The following SLC35D4 variants were observed in gnomAD, a reference collection of about 807,000 sequenced individuals.
SLC35D4 encodes the protein UDP-N-acetylglucosamine transporter SLC35D4.
the SLC35D4 span, among the ~76,000 whole-genome samples, chr18:23,263,663 G>T: frequency 1.3e-5 from 2 of 152,226 alleles, no homozygotes; most frequent in Non-Finnish European, 2.9e-5. Flanking sequence ...CGCTCTGCGT[G>T]TTCCTTGGCT....
At chr18:23,279,689 C>T in the SLC35D4 span, among the ~76,000 whole-genome samples, 2 of 152,234 alleles carry the variant, frequency 1.3e-5, no homozygotes, top group South Asian at 4.2e-4. Context: ...ACCCCTCCCT[C>T]ACAGACCTCA....
the SLC35D4 span, among the ~76,000 whole-genome samples, chr18:23,398,845 ACAAC>A: frequency 1.3e-5 from 2 of 152,260 alleles, no homozygotes; most frequent in Non-Finnish European, 2.9e-5. Context: ...AAGTCAGAAT[ACAAC>A]TATTTTCTAA....
At chr18:23,417,168 GA>G in the SLC35D4 span, among the ~76,000 whole-genome samples, 5 of 151,500 alleles carry the variant, frequency 3.3e-5, no homozygotes, top group Non-Finnish European at 5.9e-5. Flanking sequence ...CTTGAGCCCA[GA>G]AGTTCAAGGC....
the SLC35D4 span, among the ~76,000 whole-genome samples, chr18:23,363,821 G>A: frequency 3.3e-5 from 5 of 152,142 alleles, no homozygotes; most frequent in African/African-American, 1.2e-4. Flanking sequence ...GCCATTTAGG[G>A]TTACCAGTAT....
the SLC35D4 span, among the ~76,000 whole-genome samples, chr18:23,344,668 C>A: frequency 6.8e-6 from 1 of 146,574 alleles, no homozygotes; most frequent in Non-Finnish European, 1.5e-5. Flanking sequence ...GTGGCGCGAT[C>A]TCGGCTCACT....
chr18:23,432,171 GC>G, the SLC35D4 span, among the ~76,000 whole-genome samples: 1 of 152,178 alleles, frequency 6.6e-6, no homozygotes, highest in African/African-American at 2.4e-5. Flanking sequence ...AGCCTGAAAT[GC>G]CCTTAACAAG....
At chr18:23,437,569 C>T in the SLC35D4 span, among the ~76,000 whole-genome samples, 4 of 152,146 alleles carry the variant, frequency 2.6e-5, no homozygotes, top group Admixed American at 2.6e-4. Context: ...GGAGATGTAC[C>T]GTGCTTTACA....
chr18:23,353,969 T>A, the SLC35D4 span, among the ~76,000 whole-genome samples: 1 of 152,152 alleles, frequency 6.6e-6, no homozygotes, highest in Non-Finnish European at 1.5e-5. Context: ...ACAATGAAAC[T>A]GGGGCACAGG....
the SLC35D4 span, among the ~76,000 whole-genome samples, chr18:23,325,154 C>T: frequency 1.4e-4 from 22 of 152,172 alleles, no homozygotes; most frequent in Admixed American, 1.3e-3. Flanking sequence ...AGACCCATCC[C>T]CATCTCTGGA....
At chr18:23,345,050 T>C in the SLC35D4 span, among the ~76,000 whole-genome samples, 18 of 152,338 alleles carry the variant, frequency 1.2e-4, no homozygotes, top group African/African-American at 4.3e-4. Context: ...TATGTTTTCT[T>C]CTAATAGTTT....
At chr18:23,349,661 AT>A in the SLC35D4 span, among the ~76,000 whole-genome samples, 5 of 152,162 alleles carry the variant, frequency 3.3e-5, no homozygotes, top group African/African-American at 1.2e-4. Context: ...ACAAAAGCCT[AT>A]TTTTTTAGAT....
the SLC35D4 span, among the ~76,000 whole-genome samples, chr18:23,417,175 AAGGCTGCAGTG>A: frequency 2.0e-5 from 3 of 151,988 alleles, no homozygotes; most frequent in Non-Finnish European, 4.4e-5. Flanking sequence ...CCAGAAGTTC[AAGGCTGCAGTG>A]AGCTAAGATT....
At chr18:23,306,786 G>C in the SLC35D4 span, among the ~76,000 whole-genome samples, 1 of 152,192 alleles carries the variant, frequency 6.6e-6, no homozygotes, top group East Asian at 1.9e-4. Context: ...ATAGGAACTA[G>C]AATAGAAATA....
At chr18:23,297,968 C>T in the SLC35D4 span, 61 of 1,609,062 alleles carry the variant, frequency 3.8e-5, no homozygotes, top group Non-Finnish European at 4.8e-5. Flanking sequence ...AAGCTGTTCT[C>T]CCGCAGCAGC....
the SLC35D4 span, among the ~76,000 whole-genome samples, chr18:23,279,012 C>CA: frequency 0.15 from 14,487 of 95,860 alleles, 1,255 homozygotes; most frequent in Admixed American, 0.28. Context: ...GACCCCATCT[C>CA]AAAAAAAAAA....
the SLC35D4 span, among the ~76,000 whole-genome samples, chr18:23,316,186 A>C: frequency 6.6e-6 from 1 of 152,224 alleles, no homozygotes; most frequent in African/African-American, 2.4e-5. Context: ...AACACGCTGC[A>C]CTGCTACCTC....
the SLC35D4 span, among the ~76,000 whole-genome samples, chr18:23,299,822 G>T: frequency 1.3e-5 from 2 of 152,284 alleles, no homozygotes; most frequent in South Asian, 4.1e-4. Context: ...TGGAGGAGAG[G>T]GAGCCGAGGG....
the SLC35D4 span, among the ~76,000 whole-genome samples, chr18:23,353,287 C>T: frequency 6.6e-6 from 1 of 152,156 alleles, no homozygotes; most frequent in Non-Finnish European, 1.5e-5. Context: ...ATTTGCATCT[C>T]CAGACCCTTG....
At chr18:23,307,564 A>G in the SLC35D4 span, among the ~76,000 whole-genome samples, 1 of 152,058 alleles carries the variant, frequency 6.6e-6, no homozygotes, top group African/African-American at 2.4e-5. Flanking sequence ...CGAGAGGCAC[A>G]TGGTCCTAAT....
Sources: allele counts gnomAD v4.1 joint callset (sites outside exome capture counted in the v4.1 genomes callset), GRCh38; gene constraint gnomAD v4.1.1; transcripts MANE v1.5; gene names NCBI Gene and HGNC (gene_info 2026-07-23, HGNC 2026-07-21).